WDR7: variants seen among roughly 807,000 people sequenced by gnomAD.
WDR7 encodes the protein WD repeat-containing protein 7.
A neutral mutation model predicts 169.4 loss-of-function variants in WDR7; 46 were observed. The ratio of observed to expected loss-of-function variants is 0.27; its 90% CI spans 0.21 to 0.35. WDR7 has a LOEUF of 0.35. Among genes scored for constraint, WDR7 ranks in the 10% least tolerant of loss-of-function variants. The pLI, the probability that WDR7 is intolerant of heterozygous loss-of-function variation, is 1.00. For synonymous variants in WDR7, 612 were observed against 666.8 expected (o/e 0.92, Z 1.27); for missense variants, 1,534 against 1,859.3 (o/e 0.83, Z 3.22).
At chr18:56,717,011 G>A (rs1054855090) in intron 12 of WDR7, among the ~76,000 whole-genome samples, 2 of 152,128 alleles carry the variant, frequency 1.3e-5, no homozygotes, top group African/African-American at 2.4e-5. Flanking sequence ...GAGGTTTGAC[G>A]TGTTTTTTCT....
chr18:56,697,856 A>G (rs932984617), intron 12 of WDR7, among the ~76,000 whole-genome samples: 1 of 152,214 alleles, frequency 6.6e-6, no homozygotes, highest in Non-Finnish European at 1.5e-5. Context: ...AGAATATTAG[A>G]TAGAATAAGA....
chr18:56,844,757 A>G (rs1213015136), intron 20 of WDR7, among the ~76,000 whole-genome samples: 2 of 152,186 alleles, frequency 1.3e-5, no homozygotes, highest in East Asian at 3.9e-4. Flanking sequence ...GGTAGAGATA[A>G]TGAGAACTGA....
chr18:57,034,301 TTGAC>T (rs2048456167), downstream of WDR7: 1 of 152,346 alleles, frequency 6.6e-6, no homozygotes, highest in African/African-American at 2.4e-5. Flanking sequence ...CCCTTGAGCA[TTGAC>T]TGAAGGCTTC....
At chr18:56,820,369 C>A in intron 20 of WDR7, among the ~76,000 whole-genome samples, 2 of 100,848 alleles carry the variant, frequency 2.0e-5, no homozygotes, top group Admixed American at 9.6e-5. Context: ...AAAAAACCAC[C>A]TTGATACTAG....
chr18:56,998,808 AAG>A (rs753729319), intron 26 of WDR7, among the ~76,000 whole-genome samples: 42 of 152,204 alleles, frequency 2.8e-4, no homozygotes, highest in African/African-American at 8.4e-4. Flanking sequence ...CTATTTATAT[AAG>A]AGAAATAAGT....
rs137913906 is a variant in WDR7, at chr18:56,657,075, T to C, written c.-20+5499T>C. ...AATCTTGAAGTAATTTTAGTGCGTGTAGAGTGAGGCCTGGAACTATGTAGT... is the reference window on the plus strand; with the variant it reads ...AATCTTGAAGTAATTTTAGTGCGTGCAGAGTGAGGCCTGGAACTATGTAGT... On this transcript the variant is annotated intron_variant, in intron 1 of 27. Coordinates refer to ENST00000254442, the MANE Select transcript of WDR7 (RefSeq NM_015285.3). Among the ~76,000 whole-genome samples the C allele has an allele frequency of 1.7e-3, 252 of 152,252 alleles. 1 individual carries two copies. Among genetic ancestry groups the C allele is most frequent in the Non-Finnish European group, 2.8e-3 (193 of 68,008 alleles).
At chr18:56,690,634 G>A (rs561134804) in intron 7 of WDR7, among the ~76,000 whole-genome samples, 2 of 152,002 alleles carry the variant, frequency 1.3e-5, no homozygotes, top group African/African-American at 4.8e-5. Flanking sequence ...GGGCAACATG[G>A]TGAGACCCTG....
intron 26 of WDR7, among the ~76,000 whole-genome samples, chr18:56,976,374 A>T (rs1040603824): frequency 2.0e-5 from 3 of 152,212 alleles, no homozygotes; most frequent in Non-Finnish European, 2.9e-5. Flanking sequence ...GATTTAGTTT[A>T]GGTATGGGCA....
chr18:56,967,367 A>C (rs576853179), intron 26 of WDR7, among the ~76,000 whole-genome samples: 2 of 152,186 alleles, frequency 1.3e-5, no homozygotes, highest in South Asian at 4.2e-4. Context: ...AACCGCCAGC[A>C]ATTTAGGAAC....
intron 26 of WDR7, among the ~76,000 whole-genome samples, chr18:56,966,496 C>G (rs991173297): frequency 1.3e-5 from 2 of 152,022 alleles, no homozygotes; most frequent in Admixed American, 6.6e-5. Flanking sequence ...TTTCTTTTCT[C>G]TAGCTTAATT....
At chr18:56,855,134 G>A (rs1253816361) in intron 20 of WDR7, among the ~76,000 whole-genome samples, 2 of 152,062 alleles carry the variant, frequency 1.3e-5, no homozygotes, top group Non-Finnish European at 2.9e-5. Flanking sequence ...AGTAGAAAAG[G>A]ATGTCTTATT....
At chr18:56,974,224 T>G (rs1348051705) in intron 26 of WDR7, among the ~76,000 whole-genome samples, 1 of 152,296 alleles carries the variant, frequency 6.6e-6, no homozygotes, top group African/African-American at 2.4e-5. Flanking sequence ...CTATTTCCAC[T>G]CTTATTGTAT....
At chr18:56,682,912 G>C in intron 5 of WDR7, 59 bp downstream of exon 5, 1 of 1,484,178 alleles carries the variant, frequency 6.7e-7, no homozygotes, top group Admixed American at 2.1e-5. Context: ...TAGTTTACTA[G>C]AACATTCTAC....
Position 56,757,371 on chromosome 18 carries a change from G to T in WDR7, c.2759+19G>T. On this transcript the variant is annotated intron_variant, in intron 15 of 27. Coordinates refer to ENST00000254442, the MANE Select transcript of WDR7 (RefSeq NM_015285.3). ...CTACCAGGTGTGACCATGATAGTTT[G>T]ATTTTATTCTTAAGTTTCAAAAAAA... 2.0e-6 allele frequency: 3 copies of T among 1,516,538 alleles called. No homozygotes were observed. In the South Asian group the frequency reaches 4.0e-5, roughly 20 times the overall value. 93.9% of individuals were successfully genotyped at this position (1,516,538 alleles called of 1,614,324 possible).
At chr18:56,771,655 G>A (rs897933170) in intron 16 of WDR7, among the ~76,000 whole-genome samples, 23 of 151,428 alleles carry the variant, frequency 1.5e-4, no homozygotes, top group African/African-American at 5.6e-4. Context: ...ATTGAGGTGG[G>A]CAGATCACCT....
At chr18:56,973,119 GC>G (rs1368747367) in intron 26 of WDR7, among the ~76,000 whole-genome samples, 2 of 152,172 alleles carry the variant, frequency 1.3e-5, no homozygotes, top group African/African-American at 4.8e-5. Context: ...CAAGTGATCC[GC>G]CTACCTCATC....
intron 21 of WDR7, among the ~76,000 whole-genome samples, chr18:56,897,005 T>C (rs1310812729): frequency 6.6e-6 from 1 of 151,756 alleles, no homozygotes; most frequent in East Asian, 1.9e-4. Flanking sequence ...TGGATAAAGG[T>C]TGAAAAAGTA....
intron 22 of WDR7, among the ~76,000 whole-genome samples, chr18:56,935,082 G>A (rs972406704): frequency 5.9e-5 from 9 of 152,090 alleles, no homozygotes; most frequent in East Asian, 1.9e-4. Context: ...TGGCATTCTC[G>A]GAGTTTGGGA....
At chr18:56,914,224 T>G (rs746846343) in intron 21 of WDR7, among the ~76,000 whole-genome samples, 1 of 152,188 alleles carries the variant, frequency 6.6e-6, no homozygotes, top group Admixed American at 6.5e-5. Flanking sequence ...CACGATTCTC[T>G]TTCATCTCAC....
Sources: gnomAD v4.1 joint callset for allele counts (sites outside exome capture counted in the v4.1 genomes callset) on GRCh38, gnomAD v4.1.1 for gene constraint, MANE v1.5 for transcripts, NCBI Gene and HGNC (gene_info 2026-07-23, HGNC 2026-07-21) for gene names.